The following GLT1D1 variants were observed in gnomAD, a reference collection of about 807,000 sequenced individuals.
GLT1D1 encodes glycosyltransferase 1 domain-containing protein 1.
A neutral mutation model predicts 28.7 loss-of-function variants in GLT1D1; 21 were observed. The observed-to-expected ratio is 0.73, with a 90% CI of 0.52 to 1.05. The LOEUF is 1.05. Ranked by LOEUF, GLT1D1 falls within the 50% of genes least tolerant of loss-of-function variation. GLT1D1 has a pLI of 0.00. For missense variants in GLT1D1, 343 were observed against 330.6 expected (o/e 1.04, Z -0.29); for synonymous variants, 147 against 124.8 (o/e 1.18, Z -1.19).
intron 2 of GLT1D1, among the ~76,000 whole-genome samples, chr12:128,879,367 TA>T (rs1566096116): frequency 1.5e-5 from 2 of 137,002 alleles, no homozygotes. Context: ...TGATACTTAT[TA>T]TTTTTTTCTT....
At chr12:128,929,969 C>G (rs1277599105) in intron 4 of GLT1D1, among the ~76,000 whole-genome samples, 1 of 151,144 alleles carries the variant, frequency 6.6e-6, no homozygotes, top group East Asian at 1.9e-4. Context: ...GAGCAAGATT[C>G]TGTTTCAAAA....
intron 7 of GLT1D1, among the ~76,000 whole-genome samples, chr12:128,970,362 C>G (rs1878918207): frequency 6.6e-6 from 1 of 152,232 alleles, no homozygotes; most frequent in Non-Finnish European, 1.5e-5. Flanking sequence ...TTCTCCTGAG[C>G]TCTGTCTGCA....
rs1451133261 is a variant in GLT1D1, at chr12:128,904,319, AC to A, written c.375+5033del. Among the ~76,000 whole-genome samples, 14 of 151,956 alleles carry A rather than the reference AC, an allele frequency of 9.2e-5. No individual in the cohort carries two copies. The East Asian group carries it at 1.5e-3, about 17-fold the overall frequency. ...AAACATAAACACAGTGGTACAGGTA[AC>A]TTTTGTATTGGCAGACCACAGTCAG... On this transcript the variant is annotated intron_variant, in intron 4 of 7. Coordinates refer to ENST00000281703, the MANE Select transcript of GLT1D1 (RefSeq NM_144669.3).
At chr12:128,878,508 A>G (rs1031901456) in intron 2 of GLT1D1, among the ~76,000 whole-genome samples, 2 of 152,224 alleles carry the variant, frequency 1.3e-5, no homozygotes, top group African/African-American at 4.8e-5. Context: ...CCGTGCCTGA[A>G]CAATCTAAAT....
rs78456522 is a variant in GLT1D1, at chr12:128,878,552, G to C, written c.217+2490G>C. Among the ~76,000 whole-genome samples the C allele has an allele frequency of 1.0e-3, 154 of 152,210 alleles. 2 individuals are homozygous for C. In the East Asian group the frequency reaches 0.029, roughly 28 times the overall value. ...TTCTGTATATGCGGAGAGTGTTTCT[G>C]AAAGTATTATTTCTAGAGAGTTATT... On this transcript the variant is annotated intron_variant, in intron 2 of 7. Transcript: ENST00000281703.
chr12:128,862,428 G>A (rs1956405574), intron 1 of GLT1D1, among the ~76,000 whole-genome samples: 1 of 151,986 alleles, frequency 6.6e-6, no homozygotes, highest in Admixed American at 6.6e-5. Context: ...GGCTGAGGCA[G>A]GCAGATTGCT....
At chr12:128,928,518 G>C (rs909122072) in intron 4 of GLT1D1, among the ~76,000 whole-genome samples, 1 of 152,042 alleles carries the variant, frequency 6.6e-6, no homozygotes, top group African/African-American at 2.4e-5. Context: ...GAATGAGCTC[G>C]TCTTTACTCC....
intron 4 of GLT1D1, among the ~76,000 whole-genome samples, chr12:128,919,847 A>T (rs985247819): frequency 6.6e-6 from 1 of 152,204 alleles, no homozygotes; most frequent in Non-Finnish European, 1.5e-5. Context: ...CTTTCAGGCT[A>T]TCAAACCTAA....
chr12:128,854,519 A>G (rs1043883152), intron 1 of GLT1D1, among the ~76,000 whole-genome samples: 3 of 151,822 alleles, frequency 2.0e-5, no homozygotes, highest in African/African-American at 7.3e-5. Flanking sequence ...TTTTTTTGAA[A>G]TGGAGTCTCG....
At chr12:128,928,354 C>G (rs945648579) in intron 4 of GLT1D1, among the ~76,000 whole-genome samples, 4 of 152,140 alleles carry the variant, frequency 2.6e-5, no homozygotes, top group Non-Finnish European at 4.4e-5. Context: ...GAGCCACTTG[C>G]AGATGCCGCC....
chr12:128,914,914 T>C lies in GLT1D1; in HGVS notation c.375+15627T>C. On this transcript the variant is annotated intron_variant, in intron 4 of 7. Coordinates refer to ENST00000281703, the MANE Select transcript of GLT1D1 (RefSeq NM_144669.3). ...TCGCTTCAAAGTGAACTTGCCCTTT[T>C]TTTGTTTCTTTGACCCAGGAATTGC... 1 of 1,534,596 alleles carries C rather than the reference T, an allele frequency of 6.5e-7. No homozygotes were observed. The highest frequency in any genetic ancestry group is 8.7e-7 in the Non-Finnish European group (1 of 1,145,566).
At chr12:128,893,017 G>A (rs1419786168) in intron 3 of GLT1D1, among the ~76,000 whole-genome samples, 4 of 152,042 alleles carry the variant, frequency 2.6e-5, no homozygotes, top group Admixed American at 6.6e-5. Context: ...AGGCCGAAGC[G>A]GGTGGATCAC....
chr12:128,942,938 G>A (rs146850515), intron 4 of GLT1D1, among the ~76,000 whole-genome samples: 32 of 151,864 alleles, frequency 2.1e-4, no homozygotes, highest in African/African-American at 7.7e-4. Context: ...TAGTAGAGAC[G>A]GGGTTTCACC....
At chr12:128,874,118 C>T (rs1474588351) in intron 1 of GLT1D1, among the ~76,000 whole-genome samples, 41 of 64,072 alleles carry the variant, frequency 6.4e-4, no homozygotes, top group African/African-American at 2.6e-3. Context: ...CTCTCTCTCT[C>T]TCTCTCTCTT....
At chr12:128,979,396 G>T (rs470538) in intron 7 of GLT1D1, among the ~76,000 whole-genome samples, 122,020 of 151,938 alleles carry the variant, frequency 0.8, 49,046 homozygotes, top group African/African-American at 0.85. Flanking sequence ...GGTTGGTGGC[G>T]GGGTTCAGTT....
Position 128,942,753 on chromosome 12 carries a change from TTTG to T in GLT1D1, c.376-2570_376-2568del, listed in dbSNP as rs1191713014. Among the ~76,000 whole-genome samples, 104 of 52,364 alleles carry T rather than the reference TTTG, an allele frequency of 2.0e-3. 9 individuals are homozygous for T. The highest frequency in any genetic ancestry group is 5.2e-3 in the African/African-American group (79 of 15,140). 34.4% of individuals were successfully genotyped at this position (52,364 alleles called of 152,430 possible). A position where few individuals can be genotyped will look rare whatever the true frequency, so the allele number is the denominator to read the frequency against. ...TTTCTTTGTTTGTTTGTTTTTGTTT[TTTG>T]TTTTTTTTTTTTGAGACAGAGTCTC... is the stretch of plus-strand genomic sequence containing the variant. On this transcript the variant is annotated intron_variant, in intron 4 of 7. Coordinates refer to ENST00000281703, the MANE Select transcript of GLT1D1 (RefSeq NM_144669.3).
intron 7 of GLT1D1, among the ~76,000 whole-genome samples, chr12:128,980,936 C>T (rs543177857): frequency 3.4e-4 from 52 of 152,302 alleles, no homozygotes; most frequent in South Asian, 2.9e-3. Context: ...AAACCATCTT[C>T]GCTGGTAAGC....
intron 2 of GLT1D1, among the ~76,000 whole-genome samples, chr12:128,882,422 G>T (rs995593525): frequency 6.6e-6 from 1 of 151,358 alleles, no homozygotes. Context: ...GATTATAGGC[G>T]CCCACCACCA....
chr12:128,931,925 A>ACG (rs869119798), intron 4 of GLT1D1, among the ~76,000 whole-genome samples: 71 of 118,128 alleles, frequency 6.0e-4, no homozygotes, highest in Admixed American at 5.2e-3. Context: ...ACGCACACAC[A>ACG]CACACACACA....
Sources: allele counts gnomAD v4.1 joint callset (sites outside exome capture counted in the v4.1 genomes callset), GRCh38; gene constraint gnomAD v4.1.1; transcripts MANE v1.5; gene names NCBI Gene and HGNC (gene_info 2026-07-23, HGNC 2026-07-21).